Variants in MYOM3 observed in about 807,000 individuals in gnomAD.
MYOM3 encodes the protein myomesin-3.
In MYOM3, 155 loss-of-function variants were observed where a neutral mutation model predicts 191.7. The ratio of observed to expected loss-of-function variants is 0.81; its 90% CI spans 0.71 to 0.92. The LOEUF is 0.92. Among genes scored for constraint, MYOM3 ranks in the 40% least tolerant of loss-of-function variants. MYOM3 has a pLI of 0.00. For synonymous variants in MYOM3, 757 were observed against 762.9 expected (o/e 0.99, Z 0.13); for missense variants, 1,889 against 1,890.6 (o/e 1.00, Z 0.02).
At position 24,062,593 on chromosome 1, in the gene MYOM3, A is replaced by ACC. The variant is rs1643384005; in HGVS notation, c.3771-485_3771-484insGG. Among the ~76,000 whole-genome samples, 3 of 152,210 alleles carry ACC rather than the reference A, an allele frequency of 2.0e-5. No homozygotes were observed. In the South Asian group the frequency reaches 6.2e-4, roughly 32 times the overall value. Reference sequence around the variant, plus strand: ...GCTGTTGGATTATCTGGGGCCACTCAGAGAGTGGCTGAGTCTCTGTGGGTA... The same window carrying ACC: ...GCTGTTGGATTATCTGGGGCCACTCACCGAGAGTGGCTGAGTCTCTGTGGGTA... On this transcript the variant is annotated intron_variant, in intron 32 of 36. Coordinates refer to ENST00000374434, the MANE Select transcript of MYOM3 (RefSeq NM_152372.4).
intron 15 of MYOM3, among the ~76,000 whole-genome samples, chr1:24,085,405 C>T (rs1643727001): frequency 6.6e-6 from 1 of 152,076 alleles, no homozygotes; most frequent in Non-Finnish European, 1.5e-5. Context: ...TGGGCAGATG[C>T]ATGGATGGAC....
At chr1:24,094,608 C>T (rs968727184) in intron 9 of MYOM3, among the ~76,000 whole-genome samples, 6 of 152,266 alleles carry the variant, frequency 3.9e-5, no homozygotes, top group Admixed American at 1.3e-4. Flanking sequence ...GCACATCTGC[C>T]CCTACCATTT....
intron 11 of MYOM3, 48 bp from the exon 12 acceptor site, chr1:24,091,044 C>G: frequency 6.3e-7 from 1 of 1,591,442 alleles, no homozygotes; most frequent in Non-Finnish European, 8.6e-7. Context: ...CAATGCACAC[C>G]TTCCCAATGT....
rs561694063 is a variant in MYOM3 at position 24,063,595 on chromosome 1, G to A, written c.3623-65C>T. On this transcript the variant is annotated intron_variant, in intron 30 of 36. Transcript: ENST00000374434. The surrounding 1 kb of genome is among the most constrained non-coding windows in gnomAD (Gnocchi z 4.5). ...TCCCCTAGGGATGTGCTAGGAGTGG[G>A]GACATCCTAGAAAAAGGCTGGTGGA... 8 of 1,587,708 alleles carry A rather than the reference G, an allele frequency of 5.0e-6. No homozygotes were observed. The East Asian group carries it at 1.6e-4, about 31-fold the overall frequency.
intron 23 of MYOM3, 77 bp from the exon 24 acceptor site, chr1:24,072,090 G>A (rs544015380): frequency 5.7e-5 from 82 of 1,430,040 alleles, no homozygotes; most frequent in Middle Eastern, 1.8e-4. Context: ...CACAGGAGCC[G>A]TCCTAGGATC....
At chr1:24,107,509 C>T (rs986105186) in intron 3 of MYOM3, among the ~76,000 whole-genome samples, 1 of 152,158 alleles carries the variant, frequency 6.6e-6, no homozygotes, top group Non-Finnish European at 1.5e-5. Flanking sequence ...CTTAGTGTCC[C>T]TATTTTATAG....
intron 5 of MYOM3, among the ~76,000 whole-genome samples, chr1:24,103,148 G>T (rs559419577): frequency 4.5e-4 from 68 of 152,350 alleles, no homozygotes; most frequent in African/African-American, 1.6e-3. Flanking sequence ...AGGCTTCCAA[G>T]AATGCCTTCA....
At chr1:24,068,436 T>G (rs1643481722) in intron 25 of MYOM3, 69 bp from the exon 26 acceptor site, 1 of 1,584,104 alleles carries the variant, frequency 6.3e-7, no homozygotes, top group Non-Finnish European at 8.6e-7. Flanking sequence ...CACATCAGAG[T>G]GTAGTGGGCT....
chr1:24,074,241 G>A lies in MYOM3; in HGVS notation c.2887C>T (p.Leu963Phe). 1 of 1,614,110 alleles carries A rather than the reference G, an allele frequency of 6.2e-7. No homozygotes were observed. The highest frequency in any genetic ancestry group is 1.1e-5 in the South Asian group (1 of 91,072). The part of the protein sequence containing the change: ...KSKVILKEPG[L>F]EDLGTYSVIV... Reference sequence around the variant, plus strand: ...ACTGAGTAGGTGCCCAAATCCTCGAGGCCGGGTTCTTTCAGGATGACCTTG... The same window carrying A: ...ACTGAGTAGGTGCCCAAATCCTCGAAGCCGGGTTCTTTCAGGATGACCTTG... Residue 963 changes from leucine (L) to phenylalanine (F), a missense_variant, in exon 23 of 37, where the codon CTC becomes TTC. Transcript: ENST00000374434.
chr1:24,105,828 C>G, intron 5 of MYOM3, 92 bp downstream of exon 5: 1 of 1,315,112 alleles, frequency 7.6e-7, no homozygotes, highest in South Asian at 1.5e-5. Context: ...GTTCACAGGT[C>G]TGCAACAAGA....
rs572597468 is a variant in MYOM3, at chr1:24,093,591, C to T, written c.929-483G>A. Among the ~76,000 whole-genome samples, 137 of 151,686 alleles carry T rather than the reference C, an allele frequency of 9.0e-4. 1 individual carries two copies. Among genetic ancestry groups the T allele is most frequent in the Non-Finnish European group, 1.8e-3 (119 of 67,864 alleles). On this transcript the variant is annotated intron_variant, in intron 9 of 36. Transcript: ENST00000374434. ...GGTCAGGTAAGGGAGTGAGGGCTCT[C>T]GGGATGGGAGCTTAGGAGGTGGATG... is the stretch of plus-strand genomic sequence containing the variant.
At chr1:24,081,525 C>T (rs10903090) in intron 18 of MYOM3, 69 bp from the exon 19 acceptor site, 160 of 1,571,970 alleles carry the variant, frequency 1.0e-4, no homozygotes, top group East Asian at 2.7e-4. Flanking sequence ...AGCAGTGGTG[C>T]GGGAGGGACT....
At chr1:24,071,001 C>G in intron 25 of MYOM3, 116 bp downstream of exon 25, 4 of 1,305,256 alleles carry the variant, frequency 3.1e-6, no homozygotes, top group Non-Finnish European at 4.3e-6. Flanking sequence ...AAAAGCACAC[C>G]GTCATTTCTG....
intron 19 of MYOM3, 76 bp from the exon 20 acceptor site, chr1:24,080,270 G>T: frequency 8.3e-7 from 1 of 1,205,172 alleles, no homozygotes; most frequent in Non-Finnish European, 1.2e-6. Flanking sequence ...AGCAAGCCCA[G>T]CAGTCAGTCA....
intron 26 of MYOM3, 84 bp downstream of exon 26, chr1:24,068,139 C>G (rs534090675): frequency 7.1e-7 from 1 of 1,405,718 alleles, no homozygotes; most frequent in South Asian, 1.1e-5. Flanking sequence ...GCTGCAGAGC[C>G]GAGGACTCAG....
rs12026330 is a variant in MYOM3, at chr1:24,058,628, C to T, written c.4050+296G>A. On this transcript the variant is annotated intron_variant, in intron 36 of 36. Coordinates refer to ENST00000374434, the MANE Select transcript of MYOM3 (RefSeq NM_152372.4). ...TTACATAAATAAGTTCAGTCCTAGA[C>T]GGGCTTTTAGGGATCTCTCAGTAGA... 1.0e-3 allele frequency among the ~76,000 whole-genome samples: 154 copies of T among 152,312 alleles called. 1 individual carries two copies. In the East Asian group the frequency reaches 0.029, roughly 28 times the overall value.
chr1:24,076,147 G>A lies in MYOM3; in HGVS notation c.2701+12C>T, dbSNP rs748959845. 1.9e-5 allele frequency: 30 copies of A among 1,609,270 alleles called. No individual in the cohort carries two copies. Among genetic ancestry groups the A allele is most frequent in the South Asian group, 4.4e-5 (4 of 90,990 alleles). ...CCAGTGGCAGAGCTCTGGCCTCTCC[G>A]GCCACCCCTACCTGGCTTGTCCTCC... On this transcript the variant is annotated intron_variant, in intron 21 of 36. Transcript: ENST00000374434.
intron 6 of MYOM3, 61 bp downstream of exon 6, chr1:24,099,619 G>A: frequency 1.5e-6 from 2 of 1,349,286 alleles, no homozygotes; most frequent in Non-Finnish European, 2.1e-6. Flanking sequence ...TTGGGATCCT[G>A]CTCTGGCCTC....
In MYOM3 at chr1:24,092,186, T is replaced by C. The variant is rs748538073; in HGVS notation, c.1220A>G (p.Tyr407Cys). ...SDTRGNPITA[Y>C]TIERCQGESG... Reference sequence around the variant, plus strand: ...GAGGTCGACTCACCGCTCAATGGTGTAGGCAGTGATGGGGTTGCCCCGGGT... The same window carrying C: ...GAGGTCGACTCACCGCTCAATGGTGCAGGCAGTGATGGGGTTGCCCCGGGT... Residue 407 changes from tyrosine to cysteine, a missense_variant, in exon 11 of 37, where the codon TAC becomes TGC. Physicochemically the swap from Tyr to Cys is radical, Grantham distance 194. Coordinates refer to ENST00000374434, the MANE Select transcript of MYOM3 (RefSeq NM_152372.4). 2.0e-6 allele frequency: 3 copies of C among 1,463,636 alleles called. No homozygotes were observed. In the Admixed American group the frequency reaches 7.1e-5, roughly 35 times the overall value. The allele number at this position is 1,463,636 out of a possible 1,614,324, so 90.7% of individuals were successfully genotyped here.
Sources: gnomAD v4.1 joint callset for allele counts (sites outside exome capture counted in the v4.1 genomes callset) on GRCh38, gnomAD v4.1.1 for gene constraint, Gnocchi (gnomAD v3.1) non-coding constraint, MANE v1.5 for transcripts, NCBI Gene and HGNC (gene_info 2026-07-23, HGNC 2026-07-21) for gene names.